The following ELP4 variants were observed in gnomAD, a reference collection of about 807,000 sequenced individuals.
ELP4 encodes the protein elongator complex protein 4.
A neutral mutation model predicts 48.9 loss-of-function variants in ELP4; 51 were observed. That is an observed-to-expected ratio of 1.04 (90% CI 0.83 to 1.32). The LOEUF (loss-of-function observed/expected upper bound fraction) is 1.32, where lower values mean the gene tolerates loss of function less well. Ranked by LOEUF, ELP4 falls within the 40% of genes most tolerant of loss-of-function variation. The pLI is 0.00. For synonymous variants in ELP4, 210 were observed against 189.2 expected (o/e 1.11, Z -0.90); for missense variants, 519 against 514.6 (o/e 1.01, Z -0.08).
chr11:31,610,646 C>T (rs1158215053), intron 5 of ELP4, among the ~76,000 whole-genome samples: 1 of 152,162 alleles, frequency 6.6e-6, no homozygotes, highest in Non-Finnish European at 1.5e-5. Context: ...AGGAGAGTGG[C>T]TGGGCCTCAT....
At chr11:31,773,849 C>G (rs1040517009) in intron 9 of ELP4, among the ~76,000 whole-genome samples, 3 of 152,144 alleles carry the variant, frequency 2.0e-5, no homozygotes, top group African/African-American at 7.2e-5. Flanking sequence ...TGCTGAGCAC[C>G]CATTCCCCTT....
At chr11:31,543,685 T>A (rs1359994519) in intron 3 of ELP4, among the ~76,000 whole-genome samples, 1 of 152,142 alleles carries the variant, frequency 6.6e-6, no homozygotes, top group Non-Finnish European at 1.5e-5. Flanking sequence ...ATCTTGAAAG[T>A]GACCAGAGAT....
chr11:31,673,418 A>G (rs1945852118), intron 9 of ELP4, among the ~76,000 whole-genome samples: 1 of 152,064 alleles, frequency 6.6e-6, no homozygotes, highest in Admixed American at 6.5e-5. Flanking sequence ...GCAGCCTCAA[A>G]TTCCTGGGCT....
intron 9 of ELP4, among the ~76,000 whole-genome samples, chr11:31,772,963 G>A (rs570122449): frequency 3.4e-4 from 52 of 152,310 alleles, no homozygotes; most frequent in African/African-American, 1.1e-3. Context: ...AAACTCCTTT[G>A]TCCATCATCC....
intron 9 of ELP4, among the ~76,000 whole-genome samples, chr11:31,709,032 G>A (rs1197604856): frequency 6.6e-6 from 1 of 151,998 alleles, no homozygotes; most frequent in Non-Finnish European, 1.5e-5. Context: ...TATGACAGGA[G>A]GTCCACGATT....
chr11:31,600,350 G>C (rs1226047858), intron 4 of ELP4: 2 of 152,180 alleles, frequency 1.3e-5, no homozygotes, highest in African/African-American at 4.8e-5. Context: ...AATTTTCTCA[G>C]TATTGTAGAG....
intron 5 of ELP4, among the ~76,000 whole-genome samples, chr11:31,615,564 T>G (rs1221651953): frequency 1.3e-5 from 2 of 152,116 alleles, no homozygotes; most frequent in Non-Finnish European, 2.9e-5. Flanking sequence ...ATGTAACTAC[T>G]TGGGCAAATA....
intron 9 of ELP4, among the ~76,000 whole-genome samples, chr11:31,737,277 A>T (rs750873014): frequency 1.5e-3 from 225 of 152,124 alleles, no homozygotes; most frequent in Non-Finnish European, 2.6e-3. Flanking sequence ...ATGAGAACAC[A>T]TGGACACAGG....
intron 9 of ELP4, among the ~76,000 whole-genome samples, chr11:31,724,642 C>G (rs1947037245): frequency 6.6e-6 from 1 of 152,204 alleles, no homozygotes; most frequent in South Asian, 2.1e-4. Context: ...TTCTTTCACT[C>G]CAGAGTGTAG....
intron 9 of ELP4, chr11:31,719,781 T>A: frequency 3.8e-6 from 1 of 266,406 alleles, no homozygotes; most frequent in Admixed American, 5.3e-5. Flanking sequence ...AATATACTGA[T>A]GTCTGCAACT....
At chr11:31,604,766 C>T (rs974045581) in intron 5 of ELP4, among the ~76,000 whole-genome samples, 3 of 151,846 alleles carry the variant, frequency 2.0e-5, no homozygotes, top group African/African-American at 7.2e-5. Context: ...CTACTGTACT[C>T]ATGCTTATTA....
chr11:31,752,700 G>A (rs1947749280), intron 9 of ELP4, among the ~76,000 whole-genome samples: 1 of 152,132 alleles, frequency 6.6e-6, no homozygotes, highest in South Asian at 2.1e-4. Context: ...CGGGCATGGT[G>A]GTGGGCGCCT....
chr11:31,519,909 G>A (rs1956184741), intron 1 of ELP4, 147 bp from the exon 2 acceptor site: 1 of 622,184 alleles, frequency 1.6e-6, no homozygotes, highest in East Asian at 2.9e-5. Flanking sequence ...AGCACCTTGA[G>A]CAAAGTATTG....
intron 9 of ELP4, chr11:31,663,224 A>G (rs945767646): frequency 2.0e-5 from 3 of 151,982 alleles, no homozygotes; most frequent in Admixed American, 1.3e-4. Context: ...CTTAAGCACA[A>G]CATCTTTTAA....
chr11:31,692,885 C>T (rs552575103), intron 9 of ELP4, among the ~76,000 whole-genome samples: 33 of 152,232 alleles, frequency 2.2e-4, no homozygotes, highest in African/African-American at 4.8e-4. Flanking sequence ...TGAATACCTC[C>T]GTTTATGCTC....
chr11:31,709,125 A>G (rs1946690289), intron 9 of ELP4, among the ~76,000 whole-genome samples: 2 of 152,160 alleles, frequency 1.3e-5, no homozygotes, highest in African/African-American at 4.8e-5. Flanking sequence ...TATTTGAGTC[A>G]AAATCATTTG....
chr11:31,731,293 A>G (rs1947180370), intron 9 of ELP4, among the ~76,000 whole-genome samples: 1 of 152,232 alleles, frequency 6.6e-6, no homozygotes, highest in Non-Finnish European at 1.5e-5. Flanking sequence ...ACCATCATAA[A>G]TATGTTAATC....
In ELP4 at chr11:31,783,559, T is replaced by G. The variant is rs770775522; in HGVS notation, c.*35T>G. ...CTTAGTCGCTGCATGCAGAATTCTA[T>G]GACACTCTAATTATGATTGCTAATA... On this transcript the variant is annotated 3_prime_UTR_variant, in exon 10 of 10. Transcript: ENST00000640961. The G allele has an allele frequency of 2.5e-6, 4 of 1,601,446 alleles. No homozygotes were observed. In the East Asian group the frequency reaches 8.9e-5, roughly 36 times the overall value.
intron 5 of ELP4, among the ~76,000 whole-genome samples, chr11:31,610,806 G>A (rs1419849006): frequency 3.3e-5 from 5 of 152,060 alleles, no homozygotes; most frequent in Non-Finnish European, 7.4e-5. Flanking sequence ...GTATGCATGG[G>A]TTTTGTTTTA....
Sources: gnomAD v4.1 joint callset for allele counts (sites outside exome capture counted in the v4.1 genomes callset) on GRCh38, gnomAD v4.1.1 for gene constraint, MANE v1.5 for transcripts, NCBI Gene and HGNC (gene_info 2026-07-23, HGNC 2026-07-21) for gene names.